CACNA2D1: variants seen among roughly 807,000 people sequenced by gnomAD.
CACNA2D1 encodes the protein voltage-dependent calcium channel subunit alpha-2/delta-1.
CACNA2D1 carries 53 observed loss-of-function variants against 171.5 expected under a neutral mutation model. The ratio of observed to expected loss-of-function variants is 0.31; its 90% CI spans 0.25 to 0.39. CACNA2D1 has a LOEUF of 0.39. CACNA2D1 is among the 10% of genes least tolerant of loss of function. CACNA2D1 has a pLI of 1.00. For synonymous variants in CACNA2D1, 442 were observed against 443.1 expected (o/e 1.00, Z 0.03); for missense variants, 903 against 1,299.8 (o/e 0.69, Z 4.69).
intron 24 of CACNA2D1, among the ~76,000 whole-genome samples, chr7:81,978,657 G>A (rs984311098): frequency 6.6e-6 from 1 of 151,570 alleles, no homozygotes; most frequent in Admixed American, 6.6e-5. Context: ...GTGTTGATAG[G>A]TGCAGAAACC....
chr7:82,064,960 G>A (rs1397025020), intron 8 of CACNA2D1, among the ~76,000 whole-genome samples: 1 of 152,100 alleles, frequency 6.6e-6, no homozygotes, highest in East Asian at 1.9e-4. Flanking sequence ...GCATTTTAAA[G>A]AGACTCTAGA....
At chr7:82,431,107 TC>T (rs1829636169) in intron 1 of CACNA2D1, among the ~76,000 whole-genome samples, 1 of 152,122 alleles carries the variant, frequency 6.6e-6, no homozygotes, top group African/African-American at 2.4e-5. Flanking sequence ...CCCACCCTAT[TC>T]CACTTACACT....
chr7:82,331,650 CA>C (rs1563379226), intron 3 of CACNA2D1, among the ~76,000 whole-genome samples: 2 of 152,180 alleles, frequency 1.3e-5, no homozygotes, highest in African/African-American at 4.8e-5. Context: ...TGATCCCTCA[CA>C]AGACTCAAAT....
intron 38 of CACNA2D1, among the ~76,000 whole-genome samples, chr7:81,951,106 T>C (rs544157160): frequency 1.3e-5 from 2 of 152,178 alleles, no homozygotes; most frequent in East Asian, 3.9e-4. Flanking sequence ...GGATTTTGCT[T>C]TGCAAATATA....
Position 82,080,464 on chromosome 7 carries a change from T to C in CACNA2D1, c.658+4305A>G, listed in dbSNP as rs371084844. On this transcript the variant is annotated intron_variant, in intron 7 of 38. Coordinates refer to ENST00000356860, the MANE Select transcript of CACNA2D1 (RefSeq NM_000722.4). ...AGTAATGGGGAAGCTGACTTTCCCA[T>C]ATTACAAATATAGAAACTGAAAGCC... 7.2e-5 allele frequency among the ~76,000 whole-genome samples: 11 copies of C among 152,188 alleles called. No individual in the cohort carries two copies. The East Asian group carries it at 9.6e-4, about 13-fold the overall frequency.
intron 3 of CACNA2D1, among the ~76,000 whole-genome samples, chr7:82,325,991 C>T (rs1816604831): frequency 6.6e-6 from 1 of 152,036 alleles, no homozygotes; most frequent in Non-Finnish European, 1.5e-5. Flanking sequence ...TCAATTGCCC[C>T]ATGACAAGTA....
At chr7:82,415,415 T>C (rs1398129755) in intron 1 of CACNA2D1, among the ~76,000 whole-genome samples, 1 of 151,970 alleles carries the variant, frequency 6.6e-6, no homozygotes, top group African/African-American at 2.4e-5. Flanking sequence ...GTGCCTGTGG[T>C]CCCTGCTACT....
At chr7:82,379,824 A>G (rs138532029) in intron 1 of CACNA2D1, among the ~76,000 whole-genome samples, 53 of 152,134 alleles carry the variant, frequency 3.5e-4, no homozygotes, top group Non-Finnish European at 5.6e-4. Context: ...CATGTGTACT[A>G]TTGTCCTCTC....
rs1792171816 is a variant in CACNA2D1, at chr7:81,947,988, TGCCAAGAGATGCCAAGTTTA to T, written c.*2384_*2403del. On this transcript the variant is annotated 3_prime_UTR_variant, in exon 39 of 39. Coordinates refer to ENST00000356860, the MANE Select transcript of CACNA2D1 (RefSeq NM_000722.4). ...TGGCAACAGAAATTAAATAGGATCC[TGCCAAGAGATGCCAAGTTTA>T]ACCGCGATTAATACAATAACAATGT... 1 of 151,774 alleles carries T rather than the reference TGCCAAGAGATGCCAAGTTTA, an allele frequency of 6.6e-6. No individual in the cohort carries two copies. The highest frequency in any genetic ancestry group is 1.5e-5 in the Non-Finnish European group (1 of 67,776). The allele number at this position is 151,774 out of a possible 1,614,324, so 9.4% of individuals were successfully genotyped here.
chr7:82,303,433 T>C (rs116956853), intron 3 of CACNA2D1, among the ~76,000 whole-genome samples: 5,577 of 149,218 alleles, frequency 0.037, 154 homozygotes, highest in Middle Eastern at 0.059. Context: ...AAAAAAAAAT[T>C]CTAAACTGTG....
intron 3 of CACNA2D1, among the ~76,000 whole-genome samples, chr7:82,220,921 G>GCATACAAAT (rs1801686043): frequency 6.6e-6 from 1 of 151,832 alleles, no homozygotes; most frequent in Non-Finnish European, 1.5e-5. Context: ...TGGGACTATA[G>GCATACAAAT]GCGCGTGCCA....
intron 3 of CACNA2D1, among the ~76,000 whole-genome samples, chr7:82,279,043 A>G (rs1277614374): frequency 6.6e-6 from 1 of 152,172 alleles, no homozygotes; most frequent in Non-Finnish European, 1.5e-5. Context: ...CCAGCATTTC[A>G]TCCAAGGAAG....
chr7:82,309,226 C>T (rs745705242), intron 3 of CACNA2D1, among the ~76,000 whole-genome samples: 14 of 151,830 alleles, frequency 9.2e-5, no homozygotes, highest in African/African-American at 1.2e-4. Context: ...GCCAACATGA[C>T]GAAACCCTGT....
At chr7:82,309,532 C>T (rs1984472) in intron 3 of CACNA2D1, among the ~76,000 whole-genome samples, 12,635 of 152,186 alleles carry the variant, frequency 0.083, 1,580 homozygotes, top group African/African-American at 0.27. Context: ...ATTTTTAAGG[C>T]CATGAAACTG....
intron 7 of CACNA2D1, among the ~76,000 whole-genome samples, chr7:82,070,237 G>A (rs1324376858): frequency 1.3e-5 from 2 of 152,106 alleles, no homozygotes; most frequent in Non-Finnish European, 2.9e-5. Context: ...CCCACACAAA[G>A]GTGCCAAAAA....
intron 7 of CACNA2D1, among the ~76,000 whole-genome samples, chr7:82,069,222 T>C (rs563664134): frequency 1.2e-3 from 187 of 152,280 alleles, no homozygotes; most frequent in Non-Finnish European, 2.2e-3. Flanking sequence ...CTAATAACCA[T>C]ACAAGTTAAT....
At chr7:82,183,546 A>G (rs1032503594) in intron 3 of CACNA2D1, among the ~76,000 whole-genome samples, 8 of 152,154 alleles carry the variant, frequency 5.3e-5, no homozygotes, top group African/African-American at 1.7e-4. Context: ...AGAGTTTTTA[A>G]AATTTCTCTG....
In CACNA2D1 at chr7:82,084,779, T is replaced by A; in HGVS notation, c.648A>T (p.Arg216=). 1.9e-6 allele frequency: 3 copies of A among 1,614,020 alleles called. No homozygotes were observed. The highest frequency in any genetic ancestry group is 2.5e-6 in the Non-Finnish European group (3 of 1,179,910). Residue 216 remains arginine, a synonymous_variant, in exon 7 of 39, where the codon CGA becomes CGT. Coordinates refer to ENST00000356860, the MANE Select transcript of CACNA2D1 (RefSeq NM_000722.4). The part of the protein sequence containing the change: ...QVFGSATGLA[R]YYPASPWVDN... ...TCACTAAGCACCTACCTGGATAATA[T>A]CGAGCTAGGCCAGTGGCACTGCCAA... is the stretch of plus-strand genomic sequence containing the variant.
chr7:82,272,895 G>T (rs576503644), intron 3 of CACNA2D1, among the ~76,000 whole-genome samples: 1 of 152,156 alleles, frequency 6.6e-6, no homozygotes, highest in South Asian at 2.1e-4. Flanking sequence ...GACTCATTCA[G>T]GTAAGCCACT....
Sources: gnomAD v4.1 joint callset for allele counts (sites outside exome capture counted in the v4.1 genomes callset) on GRCh38, gnomAD v4.1.1 for gene constraint, MANE v1.5 for transcripts, NCBI Gene and HGNC (gene_info 2026-07-23, HGNC 2026-07-21) for gene names.